Variants in RASEF observed in about 807,000 individuals in gnomAD.
The protein encoded by RASEF is ras and EF-hand domain-containing protein.
Under a neutral mutation model 90.1 loss-of-function variants are expected in RASEF, and 68 were observed. The ratio of observed to expected loss-of-function variants is 0.75; its 90% CI spans 0.62 to 0.92. RASEF has a LOEUF of 0.92. Among genes scored for constraint, RASEF ranks in the 40% least tolerant of loss-of-function variants. RASEF has a pLI of 0.00. For synonymous variants in RASEF, 331 were observed against 345.2 expected (o/e 0.96, Z 0.46); for missense variants, 949 against 937.2 (o/e 1.01, Z -0.16).
At chr9:83,007,055 C>T (rs1277692960) in intron 7 of RASEF, among the ~76,000 whole-genome samples, 1 of 146,202 alleles carries the variant, frequency 6.8e-6, no homozygotes. Context: ...GATTGCACCA[C>T]TGCACTTCAG....
intron 3 of RASEF, among the ~76,000 whole-genome samples, chr9:83,018,661 G>A (rs988370249): frequency 6.9e-5 from 10 of 144,502 alleles, no homozygotes; most frequent in African/African-American, 2.0e-4. Flanking sequence ...AGTTGAAGAA[G>A]AACTAATACT....
intron 8 of RASEF, 33 bp from the exon 9 acceptor site, chr9:83,004,619 T>C (rs1829097220): frequency 2.2e-6 from 3 of 1,347,060 alleles, no homozygotes; most frequent in Non-Finnish European, 3.2e-6. Flanking sequence ...TGTTAGTTCA[T>C]GTAATTTTCA....
intron 1 of RASEF, 71 bp downstream of exon 1, chr9:83,062,366 C>G (rs556890418): frequency 6.6e-7 from 1 of 1,509,072 alleles, no homozygotes; most frequent in East Asian, 2.3e-5. Flanking sequence ...GGTCTGCACA[C>G]CTGCAAGTAA....
intron 1 of RASEF, among the ~76,000 whole-genome samples, chr9:83,043,276 A>G (rs1341888315): frequency 5.3e-5 from 8 of 152,204 alleles, no homozygotes; most frequent in Admixed American, 4.6e-4. Flanking sequence ...GTTTTAAACT[A>G]CAAGCTCACA....
intron 5 of RASEF, among the ~76,000 whole-genome samples, chr9:83,010,799 T>C (rs1164163376): frequency 2.0e-5 from 3 of 152,140 alleles, no homozygotes; most frequent in African/African-American, 7.2e-5. Flanking sequence ...ACAGAGCTCC[T>C]TGGAAGACAC....
At chr9:83,061,110 CAGATGAAAGATGACTCAAATAAAGAGTAT>C (rs1278879630) in intron 1 of RASEF, among the ~76,000 whole-genome samples, 1 of 152,146 alleles carries the variant, frequency 6.6e-6, no homozygotes, top group Non-Finnish European at 1.5e-5. Flanking sequence ...AACTAAGTTA[CAGATGAAAGATGACTCAAATAAAGAGTAT>C]AGGTTGTAGC....
At chr9:83,129,896 T>C in the RASEF span, among the ~76,000 whole-genome samples, 1 of 152,214 alleles carries the variant, frequency 6.6e-6, no homozygotes. Context: ...AAGGAAACAA[T>C]ACATCCTAAG....
chr9:83,127,302 T>C, the RASEF span, among the ~76,000 whole-genome samples: 18 of 152,322 alleles, frequency 1.2e-4, no homozygotes, highest in East Asian at 3.1e-3. Context: ...TGGTTGCCTA[T>C]AGTCATAGTA....
At chr9:83,092,296 T>C in the RASEF span, among the ~76,000 whole-genome samples, 1 of 152,150 alleles carries the variant, frequency 6.6e-6, no homozygotes, top group Admixed American at 6.5e-5. Flanking sequence ...TGGTGGGTTC[T>C]TGGTCTCACT....
chr9:83,208,916 G>A, the RASEF span, among the ~76,000 whole-genome samples: 2 of 152,304 alleles, frequency 1.3e-5, no homozygotes, highest in South Asian at 4.1e-4. Context: ...GAGTCCTACA[G>A]AAGTTTGGGG....
At chr9:83,072,404 G>A in the RASEF span, among the ~76,000 whole-genome samples, 1 of 152,162 alleles carries the variant, frequency 6.6e-6, no homozygotes, top group Non-Finnish European at 1.5e-5. Context: ...GTTCTCTAGA[G>A]GGACAGAACT....
At chr9:83,145,525 G>T in the RASEF span, among the ~76,000 whole-genome samples, 1 of 152,044 alleles carries the variant, frequency 6.6e-6, no homozygotes, top group Admixed American at 6.6e-5. Context: ...CAGCTATGTA[G>T]ATTCTCTATC....
the RASEF span, among the ~76,000 whole-genome samples, chr9:83,207,590 G>A: frequency 4.0e-5 from 6 of 150,330 alleles, no homozygotes; most frequent in East Asian, 1.2e-3. Flanking sequence ...GTTATCTCAG[G>A]AGGGCTGCTT....
chr9:83,007,430 GA>G lies in RASEF; in HGVS notation c.1028+6del. 1 of 1,597,414 alleles carries G rather than the reference GA, an allele frequency of 6.3e-7. No individual in the cohort carries two copies. The highest frequency in any genetic ancestry group is 8.6e-7 in the Non-Finnish European group (1 of 1,164,816). ...AAATGTAATGAGCATTTGATCTGCG[GA>G]CTTACTGGAGTATTTCAATTTGCCT... On this transcript the variant is annotated splice_donor_region_variant and intron_variant, in intron 7 of 16. Coordinates refer to ENST00000376447, the MANE Select transcript of RASEF (RefSeq NM_152573.4).
chr9:83,167,778 A>T, the RASEF span, among the ~76,000 whole-genome samples: 2 of 152,110 alleles, frequency 1.3e-5, no homozygotes, highest in Admixed American at 1.3e-4. Flanking sequence ...ACAATGCATG[A>T]TCTTTTGTGA....
chr9:83,162,592 T>C, the RASEF span, among the ~76,000 whole-genome samples: 1 of 152,232 alleles, frequency 6.6e-6, no homozygotes, highest in African/African-American at 2.4e-5. Flanking sequence ...AAGTCACTAC[T>C]CCATCCAAAC....
Position 83,062,883 on chromosome 9 carries a change from C to G in RASEF, c.-16G>C, listed in dbSNP as rs1830242498. The G allele has an allele frequency of 6.8e-7, 1 of 1,471,730 alleles. No individual in the cohort carries two copies. Among genetic ancestry groups the G allele is most frequent in the African/African-American group, 1.5e-5 (1 of 68,306 alleles). 91.2% of individuals were successfully genotyped at this position (1,471,730 alleles called of 1,614,324 possible). ...CCGCCTCCATCCCGCCTGGCGGGGG[C>G]GGCCGAGAGGGCTCCGGAGCGCCGC... On this transcript the variant is annotated 5_prime_UTR_variant, in exon 1 of 17. Transcript: ENST00000376447.
chr9:83,037,272 T>TA (rs1277150399), intron 1 of RASEF, among the ~76,000 whole-genome samples: 2 of 151,752 alleles, frequency 1.3e-5, no homozygotes, highest in African/African-American at 2.4e-5. Flanking sequence ...TTCAAAAAGG[T>TA]AAATGAGGCT....
In RASEF at chr9:83,062,724, C is replaced by G; in HGVS notation, c.144G>C (p.Glu48Asp). Residue 48 changes from glutamate to aspartate, a missense_variant, in exon 1 of 17, where the codon GAG becomes GAC. Coordinates refer to ENST00000376447, the MANE Select transcript of RASEF (RefSeq NM_152573.4). ...CGGCGTCCAGCCGCTGGAATACTGC[C>G]TCGGCGTCGGCCGGCCGCACCCGCA... The part of the protein sequence containing the change: ...TELRVRPADA[E>D]AVFQRLDADR... The G allele has an allele frequency of 6.3e-7, 1 of 1,575,864 alleles. No homozygotes were observed. The highest frequency in any genetic ancestry group is 1.1e-5 in the South Asian group (1 of 87,696).
Sources: gnomAD v4.1 joint callset for allele counts (sites outside exome capture counted in the v4.1 genomes callset) on GRCh38, gnomAD v4.1.1 for gene constraint, MANE v1.5 for transcripts, NCBI Gene and HGNC (gene_info 2026-07-23, HGNC 2026-07-21) for gene names.